Variants in ACTMAP observed in about 807,000 individuals in gnomAD.
ACTMAP encodes the protein actin maturation protease.
chr19:40,744,346 T>G, the ACTMAP span: 370 of 1,374,446 alleles, frequency 2.7e-4, 2 homozygotes, highest in African/African-American at 4.2e-3. Flanking sequence ...GTGAGTGGCT[T>G]GTCCATGGCC....
the ACTMAP span, among the ~76,000 whole-genome samples, chr19:40,745,675 A>T: frequency 6.6e-6 from 1 of 151,296 alleles, no homozygotes; most frequent in Non-Finnish European, 1.5e-5. Flanking sequence ...AGTTCTTTTT[A>T]TTTTATTTTA....
chr19:40,742,245 G>A, the ACTMAP span: 1,388 of 725,410 alleles, frequency 1.9e-3, 1 homozygote, highest in Non-Finnish European at 3.0e-3. Flanking sequence ...CGCAGGGTCC[G>A]GGCTGTTGTC....
At chr19:40,744,077 G>C in the ACTMAP span, 1 of 1,613,950 alleles carries the variant, frequency 6.2e-7, no homozygotes, top group Non-Finnish European at 8.5e-7. Context: ...GGGATGAGCA[G>C]GGGATGTCCA....
At chr19:40,749,944 A>G in the ACTMAP span, 1 of 648,572 alleles carries the variant, frequency 1.5e-6, no homozygotes. Context: ...TGGGTGTGAA[A>G]GGACCAGGGC....
At chr19:40,746,439 G>A in the ACTMAP span, among the ~76,000 whole-genome samples, 10 of 151,784 alleles carry the variant, frequency 6.6e-5, no homozygotes, top group East Asian at 3.9e-4. Flanking sequence ...GCAGTGGCCC[G>A]ATCTTGGCTC....
chr19:40,742,118 C>T, the ACTMAP span: 1 of 563,952 alleles, frequency 1.8e-6, no homozygotes, highest in Non-Finnish European at 3.4e-6. Flanking sequence ...GTTCAGTGTC[C>T]CTGTCCTGTG....
chr19:40,747,925 T>C, the ACTMAP span, among the ~76,000 whole-genome samples: 3 of 152,128 alleles, frequency 2.0e-5, no homozygotes, highest in African/African-American at 7.2e-5. Context: ...AATTGGACTC[T>C]TCCTCTTTCT....
chr19:40,743,471 G>T, the ACTMAP span, among the ~76,000 whole-genome samples: 2 of 152,058 alleles, frequency 1.3e-5, no homozygotes, highest in Admixed American at 1.3e-4. Context: ...GACCTCAAGC[G>T]ATCCACCCAC....
At chr19:40,745,380 T>A in the ACTMAP span, among the ~76,000 whole-genome samples, 74,995 of 151,958 alleles carry the variant, frequency 0.49, 18,848 homozygotes, top group Admixed American at 0.59. Flanking sequence ...AGTTTCCTCA[T>A]CTGGTTTGTG....
the ACTMAP span, chr19:40,742,425 A>G: frequency 6.9e-7 from 1 of 1,455,068 alleles, no homozygotes; most frequent in South Asian, 1.5e-5. Flanking sequence ...CTGAGACCGC[A>G]GCCGCAGCTA....
chr19:40,749,113 C>T, the ACTMAP span, among the ~76,000 whole-genome samples: 20 of 151,882 alleles, frequency 1.3e-4, no homozygotes, highest in Middle Eastern at 3.4e-3. Context: ...GCCTCAGCCT[C>T]CCGAGTAGCT....
chr19:40,745,803 G>A, the ACTMAP span, among the ~76,000 whole-genome samples: 9 of 152,206 alleles, frequency 5.9e-5, no homozygotes, highest in Non-Finnish European at 1.2e-4. Context: ...CTCCCGAGTA[G>A]CTGGGATTAC....
At chr19:40,742,295 A>C in the ACTMAP span, 7 of 868,770 alleles carry the variant, frequency 8.1e-6, no homozygotes, top group East Asian at 1.8e-4. Flanking sequence ...TCAATACTGC[A>C]GGGGGTGGCC....
At chr19:40,742,320 C>T in the ACTMAP span, 1 of 1,100,040 alleles carries the variant, frequency 9.1e-7, no homozygotes, top group Non-Finnish European at 1.3e-6. Context: ...TGAAGGAGGA[C>T]TGGAGACCCC....
the ACTMAP span, among the ~76,000 whole-genome samples, chr19:40,747,849 G>C: frequency 4.6e-5 from 7 of 152,070 alleles, no homozygotes; most frequent in African/African-American, 1.7e-4. Context: ...CTGGGCAACA[G>C]AGCAAGACCC....
chr19:40,742,778 AGAG>A, the ACTMAP span: 11 of 1,600,836 alleles, frequency 6.9e-6, no homozygotes, highest in East Asian at 6.8e-5. Context: ...CCCCTGGGGG[AGAG>A]GAGAAGGTGG....
chr19:40,748,984 C>CTTTTT, the ACTMAP span, among the ~76,000 whole-genome samples: 8 of 102,552 alleles, frequency 7.8e-5, no homozygotes, highest in East Asian at 2.8e-4. Flanking sequence ...GGCATTTGCT[C>CTTTTT]TTTTTTTTTT....
chr19:40,746,610 C>G, the ACTMAP span, among the ~76,000 whole-genome samples: 2 of 152,142 alleles, frequency 1.3e-5, no homozygotes, highest in African/African-American at 4.8e-5. Context: ...CTCCTGACTT[C>G]GTGATTTGCC....
the ACTMAP span, chr19:40,742,483 C>T: frequency 6.7e-7 from 1 of 1,488,950 alleles, no homozygotes; most frequent in South Asian, 1.4e-5. Context: ...CCACAGAGGC[C>T]AGCCCGTACC....
Sources: gnomAD v4.1 joint callset for allele counts (sites outside exome capture counted in the v4.1 genomes callset) on GRCh38, gnomAD v4.1.1 for gene constraint, MANE v1.5 for transcripts, NCBI Gene and HGNC (gene_info 2026-07-23, HGNC 2026-07-21) for gene names.